Variants in KLF2 observed in about 807,000 individuals in gnomAD.
KLF2 encodes KLF transcription factor 2.
A neutral mutation model predicts 22.2 loss-of-function variants in KLF2; 9 were observed. The ratio of observed to expected loss-of-function variants is 0.40; its 90% confidence interval spans 0.24 to 0.71. The LOEUF (loss-of-function observed/expected upper bound fraction) is 0.71. KLF2 is among the 30% of genes least tolerant of loss of function. KLF2 has a pLI of 0.35. For missense variants in KLF2, 481 were observed against 542.1 expected (o/e 0.89, Z 1.12); for synonymous variants, 299 against 264.2 (o/e 1.13, Z -1.28).
intron 2 of KLF2, among the ~76,000 whole-genome samples, chr19:16,326,484 T>C (rs920050037): frequency 2.0e-5 from 3 of 151,632 alleles, no homozygotes; most frequent in Admixed American, 1.3e-4. Context: ...TCTCAGGAAG[T>C]TGGGGAGGGC....
Position 16,328,677 on chromosome 19 carries a change from C to T in KLF2, c.*1646C>T, listed in dbSNP as rs565162479. On this transcript the variant is annotated 3_prime_UTR_variant, in exon 3 of 3. Coordinates refer to ENST00000248071, the MANE Select transcript of KLF2 (RefSeq NM_016270.4). ...ATTTTCCGAGAGTAAATAGCCTGGC[C>T]TCACTTCCGCTGCTGATGAAGGGTG... Among the ~76,000 whole-genome samples, 11 of 152,242 alleles carry T rather than the reference C, an allele frequency of 7.2e-5. No homozygotes were observed. The highest frequency in any genetic ancestry group is 2.6e-4 in the African/African-American group (11 of 41,540).
intron 2 of KLF2, 113 bp from the exon 3 acceptor site, chr19:16,326,743 C>T: frequency 1.9e-6 from 2 of 1,061,954 alleles, no homozygotes; most frequent in South Asian, 1.5e-5. Flanking sequence ...CGCAACACTA[C>T]CGCGGGGAGC....
At chr19:16,326,688 G>A (rs2091891196) in intron 2 of KLF2, among the ~76,000 whole-genome samples, 168 bp from the exon 3 acceptor site, 2 of 152,086 alleles carry the variant, frequency 1.3e-5, no homozygotes. Flanking sequence ...TGAGGATCCG[G>A]ATTGTGGGGG....
In KLF2 at chr19:16,325,367, C is replaced by G. The variant is rs1481742183; in HGVS notation, c.227C>G (p.Pro76Arg). The G allele has an allele frequency of 1.4e-6, 2 of 1,437,246 alleles. No individual in the cohort carries two copies. Among genetic ancestry groups the G allele is most frequent in the Non-Finnish European group, 1.8e-6 (2 of 1,106,604 alleles). 89.0% of individuals were successfully genotyped at this position (1,437,246 alleles called of 1,614,324 possible). A position where few individuals can be genotyped will look rare whatever the true frequency, so the allele number is the denominator to read the frequency against. The part of the protein sequence containing the change: ...PPPPPPAFYY[P>R]EPGAPPPYSA... Reference sequence around the variant, plus strand: ...CCCCCGCCGCCTGCGTTCTATTACCCCGAACCCGGCGCGCCCCCGCCCTAC... The same window carrying G: ...CCCCCGCCGCCTGCGTTCTATTACCGCGAACCCGGCGCGCCCCCGCCCTAC... Residue 76 changes from proline (P) to arginine (R), a missense_variant, in exon 2 of 3, where the codon CCC (proline) becomes CGC (arginine). Pro to Arg is a moderately radical substitution (Grantham distance 103). Transcript: ENST00000248071.
chr19:16,326,150 T>G, intron 2 of KLF2, 118 bp downstream of exon 2: 1 of 1,033,952 alleles, frequency 9.7e-7, no homozygotes, highest in South Asian at 1.7e-5. Context: ...CTCAGGGGGA[T>G]CTGGCAGGTG....
At chr19:16,326,524 G>A in intron 2 of KLF2, among the ~76,000 whole-genome samples, 1 of 152,052 alleles carries the variant, frequency 6.6e-6, no homozygotes, top group Middle Eastern at 3.2e-3. Context: ...CTGGGGACAA[G>A]GCTCAGGACC....
Position 16,328,346 on chromosome 19 carries a change from C to T in KLF2, c.*1315C>T, listed in dbSNP as rs1336316742. On this transcript the variant is annotated 3_prime_UTR_variant, in exon 3 of 3. Transcript: ENST00000248071. ...GGAGAGCAGAGGAGACCCCTAAATC[C>T]CACCACCCCAAGTGTCTCAGGCAAG... 2.6e-5 allele frequency among the ~76,000 whole-genome samples: 4 copies of T among 152,056 alleles called. No homozygotes were observed. Among genetic ancestry groups the T allele is most frequent in the African/African-American group, 9.7e-5 (4 of 41,400 alleles).
In KLF2 at chr19:16,326,968, T is replaced by A; in HGVS notation, c.1005T>A (p.His335Gln). The part of the protein sequence containing the change: ...KHTGHRPFQC[H>Q]LCDRAFSRSD... ...CGGGCCACCGGCCATTCCAGTGCCA[T>A]CTGTGCGATCGTGCCTTCTCGCGCT... Residue 335 changes from histidine to glutamine, a missense_variant, in exon 3 of 3, where the codon CAT becomes CAA. By Grantham distance (24) the His-to-Gln change is conservative. This residue lies in a region of KLF2 where 60 missense variants were observed against 107.0 expected (regional missense o/e 0.56). Transcript: ENST00000248071. 1 of 1,613,492 alleles carries A rather than the reference T, an allele frequency of 6.2e-7. No homozygotes were observed. The highest frequency in any genetic ancestry group is 8.5e-7 in the Non-Finnish European group (1 of 1,179,922).
rs149936786 is a variant in KLF2, at chr19:16,327,915, A to ATATTTT, written c.*899_*904dup. 4 of 151,468 alleles carry ATATTTT rather than the reference A, an allele frequency of 2.6e-5. No homozygotes were observed. The highest frequency in any genetic ancestry group is 4.4e-5 in the Non-Finnish European group (3 of 67,944). 9.4% of individuals were successfully genotyped at this position (151,468 alleles called of 1,614,324 possible). A position where few individuals can be genotyped will look rare whatever the true frequency, so the allele number is the denominator to read the frequency against. On this transcript the variant is annotated 3_prime_UTR_variant, in exon 3 of 3. Transcript: ENST00000248071. The stretch of plus-strand genomic sequence containing the variant: ...GCCAAATTTCTGGAGTGCCAGCTCT[A>ATATTTT]TATTTTTATTTTTATTTTTAAAGGG...
chr19:16,326,840 C>T lies in KLF2; in HGVS notation c.893-16C>T, dbSNP rs774860082. ...TGGGAGGGGAACTGACGCTTACTCT[C>T]GCCCCCTCCCTGCAGGTGAGAAGCC... On this transcript the variant is annotated splice_polypyrimidine_tract_variant and intron_variant, in intron 2 of 2. Transcript: ENST00000248071. The T allele has an allele frequency of 1.9e-6, 3 of 1,602,416 alleles. No individual in the cohort carries two copies. Among genetic ancestry groups the T allele is most frequent in the South Asian group, 2.2e-5 (2 of 90,950 alleles).
In KLF2 at chr19:16,328,070, A is replaced by AT. The variant is rs2091895487; in HGVS notation, c.*1040dup. ...TGAAACCTGCATTCGAGGGCCATGC[A>AT]TGAAGCTCTTTTCCAGATGAGGAAA... On this transcript the variant is annotated 3_prime_UTR_variant, in exon 3 of 3. Transcript: ENST00000248071. Among the ~76,000 whole-genome samples, 1 of 152,130 alleles carries AT rather than the reference A, an allele frequency of 6.6e-6. No individual in the cohort carries two copies. Among genetic ancestry groups the AT allele is most frequent in the African/African-American group, 2.4e-5 (1 of 41,420 alleles).
At position 16,325,973 on chromosome 19, in the gene KLF2, G is replaced by A. The variant is rs887039467; in HGVS notation, c.833G>A (p.Gly278Asp). Residue 278 changes from glycine (G) to aspartate (D), a missense_variant, in exon 2 of 3, where the codon GGC (glycine) becomes GAC (aspartate). By Grantham distance (94) the Gly-to-Asp change is moderately conservative. This residue lies in a region of KLF2 where 421 missense variants were observed against 435.1 expected (regional missense o/e 0.97). Transcript: ENST00000248071. ...RTATHTCSYA[G>D]CGKTYTKSSH... ...GCCACTCACACCTGCAGCTACGCGG[G>A]CTGCGGCAAGACCTACACCAAGAGT... is the stretch of plus-strand genomic sequence containing the variant. 9.0e-6 allele frequency: 14 copies of A among 1,550,270 alleles called. No homozygotes were observed. Among genetic ancestry groups the A allele is most frequent in the African/African-American group, 1.4e-5 (1 of 72,550 alleles).
At chr19:16,325,076 G>C in intron 1 of KLF2, 78 bp downstream of exon 1, 1 of 1,389,968 alleles carries the variant, frequency 7.2e-7, no homozygotes, top group Non-Finnish European at 9.7e-7. Context: ...GCTGCGGGGT[G>C]ACAGGACGCG....
Position 16,325,010 on chromosome 19 carries a change from G to GGGGACGGCGGGGCGGCC in KLF2, c.75+18_75+34dup. On this transcript the variant is annotated intron_variant, in intron 1 of 2. Coordinates refer to ENST00000248071, the MANE Select transcript of KLF2 (RefSeq NM_016270.4). ...GCGGCCTGCAGGAGGTGAGGGCGGC[G>GGGGACGGCGGGGCGGCC]GGGACGGCGGGGCGGCCGGGACCGT... 2 of 1,568,266 alleles carry GGGGACGGCGGGGCGGCC rather than the reference G, an allele frequency of 1.3e-6. No homozygotes were observed. The highest frequency in any genetic ancestry group is 8.6e-7 in the Non-Finnish European group (1 of 1,158,460).
Position 16,327,137 on chromosome 19 carries a change from C to A in KLF2, c.*106C>A. On this transcript the variant is annotated 3_prime_UTR_variant, in exon 3 of 3. Transcript: ENST00000248071. The stretch of plus-strand genomic sequence containing the variant: ...TATTTATTGGACCCAGAGAACCGGG[C>A]CGGGCACAGCGTGGCTACAGAGGGT... The A allele has an allele frequency of 8.8e-7, 1 of 1,136,570 alleles. No homozygotes were observed. Among genetic ancestry groups the A allele is most frequent in the Non-Finnish European group, 1.2e-6 (1 of 830,932 alleles). The allele number at this position is 1,136,570 out of a possible 1,614,324, so 70.4% of individuals were successfully genotyped here.
rs1352164891 is a variant in KLF2 at position 16,328,428 on chromosome 19, G to T, written c.*1397G>T. 6.6e-6 allele frequency among the ~76,000 whole-genome samples: 1 copy of T among 152,014 alleles called. No homozygotes were observed. The highest frequency in any genetic ancestry group is 2.4e-5 in the African/African-American group (1 of 41,388). ...ACCCCTCACCTTCCCCATTCTCAGG[G>T]GCCCCGGGTAACCATGACCACCAAC... On this transcript the variant is annotated 3_prime_UTR_variant, in exon 3 of 3. Coordinates refer to ENST00000248071, the MANE Select transcript of KLF2 (RefSeq NM_016270.4).
At chr19:16,325,045 G>T in intron 1 of KLF2, 47 bp downstream of exon 1, 1 of 1,492,532 alleles carries the variant, frequency 6.7e-7, no homozygotes, top group Non-Finnish European at 9.0e-7. Context: ...TGGGCGGCGG[G>T]CTCGGGGTAG....
At chr19:16,325,166 GC>G (rs1196196162) in intron 1 of KLF2, 49 bp from the exon 2 acceptor site, 31 of 1,386,230 alleles carry the variant, frequency 2.2e-5, no homozygotes, top group African/African-American at 3.0e-5. Context: ...GGCAAGCAGC[GC>G]CCCCCGAGCC....
Position 16,326,905 on chromosome 19 carries a change from G to A in KLF2, c.942G>A (p.Ala314=), listed in dbSNP as rs1226489144. 2 of 1,612,890 alleles carry A rather than the reference G, an allele frequency of 1.2e-6. No homozygotes were observed. Among genetic ancestry groups the A allele is most frequent in the Admixed American group, 3.3e-5 (2 of 59,994 alleles). The part of the protein sequence containing the change: ...CNWDGCGWKF[A]RSDELTRHYR... Reference sequence around the variant, plus strand: ...GGGACGGCTGCGGCTGGAAGTTTGCGCGCTCAGACGAGCTCACGCGCCACT... The same window carrying A: ...GGGACGGCTGCGGCTGGAAGTTTGCACGCTCAGACGAGCTCACGCGCCACT... The change falls in exon 3 of 3, where the codon GCG becomes GCA. Residue 314 remains alanine, a synonymous_variant. Coordinates refer to ENST00000248071, the MANE Select transcript of KLF2 (RefSeq NM_016270.4).
Sources: gnomAD v4.1 joint callset for allele counts (sites outside exome capture counted in the v4.1 genomes callset) on GRCh38, gnomAD v4.1.1 for gene constraint, gnomAD v4.1.1 regional missense constraint, MANE v1.5 for transcripts, NCBI Gene and HGNC (gene_info 2026-07-23, HGNC 2026-07-21) for gene names.